Variants in EML5 observed in about 807,000 individuals in gnomAD.
EML5 encodes EMAP like 5, also known as echinoderm microtubule-associated protein-like 5.
Under a neutral mutation model 250.0 loss-of-function variants are expected in EML5, and 120 were observed. That is an observed-to-expected ratio of 0.48 (90% confidence interval 0.41 to 0.56). EML5 has a LOEUF of 0.56. Ranked by LOEUF, EML5 falls within the 20% of genes least tolerant of loss-of-function variation. The pLI, the probability that EML5 is intolerant of heterozygous loss-of-function variation, is 0.00. For missense variants in EML5, 2,006 were observed against 2,437.6 expected (o/e 0.82, Z 3.73); for synonymous variants, 771 against 806.5 (o/e 0.96, Z 0.75).
At chr14:88,721,414 C>T (rs1268229247) in intron 8 of EML5, among the ~76,000 whole-genome samples, 1 of 152,154 alleles carries the variant, frequency 6.6e-6, no homozygotes, top group African/African-American at 2.4e-5. Context: ...GGTATAAAAA[C>T]AGATGGGTAG....
At chr14:88,710,218 G>A (rs926501830) in intron 10 of EML5, among the ~76,000 whole-genome samples, 2 of 152,174 alleles carry the variant, frequency 1.3e-5, no homozygotes, top group Non-Finnish European at 2.9e-5. Context: ...TATGAAGAGG[G>A]GTGGAATGCT....
chr14:88,770,211 T>C (rs938713221), intron 1 of EML5, among the ~76,000 whole-genome samples: 1 of 152,166 alleles, frequency 6.6e-6, no homozygotes, highest in Admixed American at 6.6e-5. Flanking sequence ...AGAAGAGATT[T>C]TGGGAGGTTA....
At chr14:88,656,221 T>C (rs1303260387) in intron 27 of EML5, among the ~76,000 whole-genome samples, 1 of 152,204 alleles carries the variant, frequency 6.6e-6, no homozygotes, top group Non-Finnish European at 1.5e-5. Context: ...CCAACTCAAA[T>C]GTCCATCAAT....
chr14:88,665,991 T>C (rs2092297529), intron 21 of EML5, among the ~76,000 whole-genome samples: 1 of 152,082 alleles, frequency 6.6e-6, no homozygotes, highest in Admixed American at 6.6e-5. Context: ...AGATACAGAT[T>C]AAGTTTTCTA....
At chr14:88,629,247 T>C (rs1184056445) in intron 33 of EML5, among the ~76,000 whole-genome samples, 3 of 152,138 alleles carry the variant, frequency 2.0e-5, no homozygotes, top group Admixed American at 6.6e-5. Flanking sequence ...TATCACTAAC[T>C]TTGCCTCCAA....
chr14:88,722,958 A>G (rs2093613603), intron 8 of EML5, among the ~76,000 whole-genome samples: 1 of 152,196 alleles, frequency 6.6e-6, no homozygotes, highest in African/African-American at 2.4e-5. Flanking sequence ...ATGGTGAGAG[A>G]TTATAGAATC....
intron 13 of EML5, among the ~76,000 whole-genome samples, chr14:88,703,587 A>G (rs1476005104): frequency 2.0e-5 from 3 of 152,192 alleles, no homozygotes; most frequent in Non-Finnish European, 4.4e-5. Flanking sequence ...TTTTAACACT[A>G]GAGAAAAAAT....
intron 21 of EML5, among the ~76,000 whole-genome samples, chr14:88,672,696 T>C (rs541133798): frequency 1.3e-5 from 2 of 152,034 alleles, no homozygotes; most frequent in East Asian, 3.9e-4. Context: ...TAAAAAATGA[T>C]AAAGGGGACA....
At chr14:88,690,598 G>C (rs553019288) in intron 17 of EML5, among the ~76,000 whole-genome samples, 1 of 152,314 alleles carries the variant, frequency 6.6e-6, no homozygotes, top group African/African-American at 2.4e-5. Flanking sequence ...CAAATTGAAA[G>C]TAGGAACAAC....
chr14:88,773,109 C>T (rs1265782730), intron 1 of EML5, among the ~76,000 whole-genome samples: 3 of 152,194 alleles, frequency 2.0e-5, no homozygotes, highest in African/African-American at 7.2e-5. Context: ...GATCTTTTAA[C>T]AATCCAGTTT....
At chr14:88,618,913 A>T in intron 39 of EML5, 101 bp from the exon 40 acceptor site, 1 of 1,201,010 alleles carries the variant, frequency 8.3e-7, no homozygotes, top group Admixed American at 2.7e-5. Flanking sequence ...GTAACGTGTG[A>T]TAAGGCCTCA....
chr14:88,717,547 A>G (rs1222399158), intron 8 of EML5, among the ~76,000 whole-genome samples: 1 of 152,118 alleles, frequency 6.6e-6, no homozygotes, highest in Non-Finnish European at 1.5e-5. Flanking sequence ...TCACAAGATC[A>G]GAGAGAGACC....
In EML5 at chr14:88,614,990, C is replaced by T. The variant is rs2087358115; in HGVS notation, c.*828G>A. On this transcript the variant is annotated 3_prime_UTR_variant, in exon 44 of 44. Coordinates refer to ENST00000554922, the MANE Select transcript of EML5 (RefSeq NM_183387.3). ...TATATATTAGACTACATTAAATATG[C>T]AATTCTTTCTTCCAGTTAAATACTG... The T allele has an allele frequency of 6.6e-6, 1 of 152,142 alleles. No homozygotes were observed. 9.4% of individuals were successfully genotyped at this position (152,142 alleles called of 1,614,324 possible). A position where few individuals can be genotyped will look rare whatever the true frequency, so the allele number is the denominator to read the frequency against.
At chr14:88,704,703 T>C (rs1236006945) in intron 13 of EML5, among the ~76,000 whole-genome samples, 157 bp downstream of exon 13, 1 of 152,230 alleles carries the variant, frequency 6.6e-6, no homozygotes, top group Non-Finnish European at 1.5e-5. Flanking sequence ...TGTCTCCTCA[T>C]GATTAGATTC....
chr14:88,787,098 C>T (rs1308642891), intron 1 of EML5, among the ~76,000 whole-genome samples: 1 of 152,216 alleles, frequency 6.6e-6, no homozygotes, highest in Non-Finnish European at 1.5e-5. Context: ...AACCACTGCA[C>T]ACAATGTTAC....
chr14:88,785,478 TTTAAAATAAATTTA>T (rs2094542359), intron 1 of EML5, among the ~76,000 whole-genome samples: 1 of 152,174 alleles, frequency 6.6e-6, no homozygotes, highest in Non-Finnish European at 1.5e-5. Context: ...ACCACAAAAA[TTTAAAATAAATTTA>T]GTAAAATAAA....
chr14:88,658,506 A>T (rs978789248), intron 25 of EML5, 118 bp from the exon 26 acceptor site: 14 of 738,490 alleles, frequency 1.9e-5, no homozygotes, highest in Middle Eastern at 4.1e-4. Flanking sequence ...GCAATGTGTT[A>T]AAAAAAATGA....
intron 22 of EML5, 66 bp downstream of exon 22, chr14:88,665,271 A>G (rs879563405): frequency 6.9e-7 from 1 of 1,459,826 alleles, no homozygotes; most frequent in Non-Finnish European, 9.2e-7. Flanking sequence ...TAAAAATTAT[A>G]CATTGATACA....
chr14:88,658,292 C>T lies in EML5; in HGVS notation c.3772G>A (p.Gly1258Ser), dbSNP rs755046095. Residue 1258 changes from glycine (G) to serine (S), a missense_variant, in exon 26 of 44, where the codon GGT (glycine) becomes AGT (serine). Gly to Ser is a moderately conservative substitution (Grantham distance 56). Coordinates refer to ENST00000554922, the MANE Select transcript of EML5 (RefSeq NM_183387.3). ...YDDSMLVTLG[G>S]TDMSLMVWTN... ...CACACCATTAAAGACATATCTGTAC[C>T]GCCTAGGGTAACCAACATGCTGTCA... The T allele has an allele frequency of 3.1e-5, 50 of 1,613,682 alleles. No individual in the cohort carries two copies. The highest frequency in any genetic ancestry group is 3.3e-4 in the Middle Eastern group (2 of 6,078).
Sources: allele counts gnomAD v4.1 joint callset (sites outside exome capture counted in the v4.1 genomes callset), GRCh38; gene constraint gnomAD v4.1.1; transcripts MANE v1.5; gene names NCBI Gene and HGNC (gene_info 2026-07-23, HGNC 2026-07-21).